DGKG: variants seen among roughly 807,000 people sequenced by gnomAD.
The protein encoded by DGKG is DAG kinase gamma.
A neutral mutation model predicts 105.3 loss-of-function variants in DGKG; 78 were observed. The observed-to-expected ratio is 0.74, with a 90% CI of 0.62 to 0.89. DGKG has a LOEUF of 0.89. Among genes scored for constraint, DGKG ranks in the 40% least tolerant of loss-of-function variants. DGKG has a pLI of 0.00. For missense variants in DGKG, 958 were observed against 1,020.1 expected (o/e 0.94, Z 0.83); for synonymous variants, 346 against 367.1 (o/e 0.94, Z 0.66).
In DGKG at chr3:186,279,843, T is replaced by G. The variant is rs1722748569; in HGVS notation, c.792+8A>C. ...AAGAGATCTCTGAACTCCAGCTTGT[T>G]GACTTACAGAGTCATCCATCCCCAG... On this transcript the variant is annotated splice_region_variant and intron_variant, in intron 9 of 24. Coordinates refer to ENST00000265022, the MANE Select transcript of DGKG (RefSeq NM_001346.3). 1 of 1,611,764 alleles carries G rather than the reference T, an allele frequency of 6.2e-7. No homozygotes were observed. Among genetic ancestry groups the G allele is most frequent in the Admixed American group, 1.7e-5 (1 of 59,408 alleles).
intron 2 of DGKG, among the ~76,000 whole-genome samples, chr3:186,316,966 T>G (rs1405137280): frequency 6.6e-6 from 1 of 152,246 alleles, no homozygotes; most frequent in Non-Finnish European, 1.5e-5. Context: ...ATTGTATCTT[T>G]TTTTCCTCTC....
At chr3:186,328,400 C>A (rs1725446331) in intron 1 of DGKG, among the ~76,000 whole-genome samples, 1 of 152,148 alleles carries the variant, frequency 6.6e-6, no homozygotes, top group Admixed American at 6.5e-5. Flanking sequence ...GTGTCTGAAG[C>A]AGGCACAAAT....
At chr3:186,274,968 C>CTAG (rs1448659204) in intron 10 of DGKG, among the ~76,000 whole-genome samples, 3 of 152,184 alleles carry the variant, frequency 2.0e-5, no homozygotes, top group African/African-American at 7.2e-5. Context: ...GCCACACTGT[C>CTAG]TTCCACAATG....
intron 16 of DGKG, among the ~76,000 whole-genome samples, chr3:186,259,845 A>G (rs1407060675): frequency 6.6e-6 from 1 of 152,206 alleles, no homozygotes. Flanking sequence ...CACGCCTCCC[A>G]CCAGGCCTCT....
intron 24 of DGKG, among the ~76,000 whole-genome samples, chr3:186,151,348 G>A (rs1715748430): frequency 6.6e-6 from 1 of 152,150 alleles, no homozygotes. Context: ...GTGACCGCAG[G>A]GAACAACAGA....
chr3:186,187,510 A>G (rs574295665), intron 22 of DGKG, among the ~76,000 whole-genome samples: 50 of 152,330 alleles, frequency 3.3e-4, no homozygotes, highest in Middle Eastern at 3.4e-3. Context: ...TCTGCATTGG[A>G]CATACCAAGT....
intron 18 of DGKG, 54 bp from the exon 19 acceptor site, chr3:186,251,973 T>C (rs893442125): frequency 8.7e-6 from 13 of 1,492,042 alleles, no homozygotes; most frequent in Non-Finnish European, 1.2e-5. Flanking sequence ...GTATTCTTGC[T>C]AATGCACAGG....
intron 20 of DGKG, among the ~76,000 whole-genome samples, chr3:186,216,786 A>G (rs760800281): frequency 4.6e-5 from 7 of 151,980 alleles, no homozygotes; most frequent in South Asian, 2.1e-4. Flanking sequence ...CTCCCCTCCT[A>G]CTTTACTCTT....
intron 22 of DGKG, among the ~76,000 whole-genome samples, chr3:186,169,380 C>T (rs568751955): frequency 3.3e-5 from 5 of 152,086 alleles, no homozygotes; most frequent in Admixed American, 2.6e-4. Context: ...TTCTTCTTTA[C>T]GCTTTTTGGT....
In DGKG at chr3:186,242,516, T is replaced by G. The variant is rs368971279; in HGVS notation, c.1814A>C (p.Lys605Thr). ...GCCTGCAGCTTACCTGCTGTTGAAT[T>G]TTTCAGGATGTTTCTCTCTCATCAC... ...FHVMREKHPEKFNSRMKNKLW... is the reference protein window; with the variant it reads ...FHVMREKHPETFNSRMKNKLW... Residue 605 changes from lysine (K) to threonine (T), a missense_variant, in exon 20 of 25, where the codon AAA (lysine) becomes ACA (threonine). Physicochemically the swap from Lys to Thr is moderately conservative, Grantham distance 78 (BLOSUM62 -1). Around this residue, in one of 2 missense-constraint regions of DGKG, gnomAD observed 315 missense variants for 400.6 expected, o/e 0.79. Transcript: ENST00000265022. 11 of 1,613,392 alleles carry G rather than the reference T, an allele frequency of 6.8e-6. No individual in the cohort carries two copies. Among genetic ancestry groups the G allele is most frequent in the African/African-American group, 5.3e-5 (4 of 74,916 alleles).
chr3:186,166,143 A>G (rs1330713761), intron 22 of DGKG, among the ~76,000 whole-genome samples: 1 of 152,226 alleles, frequency 6.6e-6, no homozygotes, highest in African/African-American at 2.4e-5. Context: ...TTAAAAAACA[A>G]TCTCTTGACG....
At chr3:186,279,794 T>C (rs1722747165) in intron 9 of DGKG, 57 bp downstream of exon 9, 1 of 1,592,534 alleles carries the variant, frequency 6.3e-7, no homozygotes, top group Non-Finnish European at 8.6e-7. Context: ...GATATTAACA[T>C]GAAGCCCAAT....
chr3:186,265,994 A>T (rs1222587299), intron 13 of DGKG, among the ~76,000 whole-genome samples: 1 of 152,058 alleles, frequency 6.6e-6, no homozygotes, highest in Non-Finnish European at 1.5e-5. Context: ...TCGGCTGAGC[A>T]CTATCTAATG....
rs1715639459 is a variant in DGKG, at chr3:186,149,166, G to C, written c.*924C>G. 1 of 984,680 alleles carries C rather than the reference G, an allele frequency of 1.0e-6. No individual in the cohort carries two copies. The highest frequency in any genetic ancestry group is 1.8e-5 in the African/African-American group (1 of 57,086). The allele number at this position is 984,680 out of a possible 1,614,324, so 61.0% of individuals were successfully genotyped here. A position where few individuals can be genotyped will look rare whatever the true frequency, so the allele number is the denominator to read the frequency against. On this transcript the variant is annotated 3_prime_UTR_variant, in exon 25 of 25. Transcript: ENST00000265022. Reference sequence around the variant, plus strand: ...CCCATCTTTTCTGCCTTCAGGAATAGTCTGCCACCAGGGCTTGGAACTCAA... The same window carrying C: ...CCCATCTTTTCTGCCTTCAGGAATACTCTGCCACCAGGGCTTGGAACTCAA...
At chr3:186,209,596 T>C (rs1718926824) in intron 21 of DGKG, among the ~76,000 whole-genome samples, 1 of 152,112 alleles carries the variant, frequency 6.6e-6, no homozygotes, top group Non-Finnish European at 1.5e-5. Flanking sequence ...GTGGGTCGTG[T>C]GCTGGTTCTC....
intron 22 of DGKG, among the ~76,000 whole-genome samples, chr3:186,167,940 G>A (rs1716631325): frequency 6.6e-6 from 1 of 152,212 alleles, no homozygotes; most frequent in East Asian, 1.9e-4. Flanking sequence ...CAATTGAACT[G>A]CAGGATCAAG....
intron 1 of DGKG, among the ~76,000 whole-genome samples, chr3:186,336,409 T>A (rs560023915): frequency 2.6e-4 from 40 of 152,312 alleles, no homozygotes; most frequent in African/African-American, 9.4e-4. Context: ...ATATGAAGAT[T>A]TTAAATATCA....
chr3:186,308,671 C>A (rs1490329165), intron 2 of DGKG, among the ~76,000 whole-genome samples: 3 of 152,168 alleles, frequency 2.0e-5, no homozygotes, highest in Non-Finnish European at 2.9e-5. Context: ...ATGGAAATTT[C>A]TTTCTGAAAT....
At chr3:186,162,484 C>T (rs927343069) in intron 23 of DGKG, among the ~76,000 whole-genome samples, 7 of 152,232 alleles carry the variant, frequency 4.6e-5, no homozygotes, top group Non-Finnish European at 2.9e-5. Flanking sequence ...ATACAACATA[C>T]AGCTCAGGTC....
Sources: gnomAD v4.1 joint callset for allele counts (sites outside exome capture counted in the v4.1 genomes callset) on GRCh38, gnomAD v4.1.1 for gene constraint, gnomAD v4.1.1 regional missense constraint, MANE v1.5 for transcripts, NCBI Gene and HGNC (gene_info 2026-07-23, HGNC 2026-07-21) for gene names.